Variants in OGDH observed in about 807,000 individuals in gnomAD.
The protein encoded by OGDH is 2-oxoglutarate dehydrogenase complex component E1.
OGDH carries 38 observed loss-of-function variants against 116.6 expected under a neutral mutation model. The ratio of observed to expected loss-of-function variants is 0.33; its 90% CI spans 0.25 to 0.43. OGDH has a LOEUF of 0.43. OGDH is among the 20% of genes least tolerant of loss of function. The probability of loss-of-function intolerance (pLI) is 1.00; values close to 1 mark genes in which losing one functional copy is unlikely to be tolerated. For missense variants in OGDH, 825 were observed against 1,357.2 expected, an observed-to-expected ratio of 0.61 and a Z score of 6.16; for synonymous variants, 488 against 533.3, an observed-to-expected ratio of 0.92 and a Z score of 1.17.
At chr7:44,652,444 G>T (rs1002664747) in intron 4 of OGDH, among the ~76,000 whole-genome samples, 7 of 152,154 alleles carry the variant, frequency 4.6e-5, no homozygotes, top group African/African-American at 1.7e-4. Flanking sequence ...TAAAGTTAGG[G>T]GCCAGTTTCC....
At chr7:44,647,362 G>A (rs1042443624) in intron 3 of OGDH, 2 of 902,934 alleles carry the variant, frequency 2.2e-6, no homozygotes, top group Non-Finnish European at 3.4e-6. Context: ...TTTGGAAAAG[G>A]TTTGCATAAC....
chr7:44,675,551 C>T (rs1392273428), intron 8 of OGDH, among the ~76,000 whole-genome samples: 2 of 152,116 alleles, frequency 1.3e-5, no homozygotes, highest in Admixed American at 6.6e-5. Context: ...AAAAGGCCTC[C>T]ATATCCTTCT....
At chr7:44,658,923 C>T (rs1585305863) in intron 4 of OGDH, among the ~76,000 whole-genome samples, 1 of 152,070 alleles carries the variant, frequency 6.6e-6, no homozygotes, top group African/African-American at 2.4e-5. Flanking sequence ...GCAACCTCCA[C>T]CTCCCAGGTT....
chr7:44,680,438 C>G (rs1007822990), intron 9 of OGDH, among the ~76,000 whole-genome samples: 4 of 151,812 alleles, frequency 2.6e-5, no homozygotes, highest in Admixed American at 2.0e-4. Flanking sequence ...GATGGAGTGT[C>G]TTGCAGTTGT....
At chr7:44,655,885 T>C (rs1227769516) in intron 4 of OGDH, among the ~76,000 whole-genome samples, 1 of 152,238 alleles carries the variant, frequency 6.6e-6, no homozygotes, top group African/African-American at 2.4e-5. Flanking sequence ...GTCTGCCACC[T>C]GAATCTAGTG....
intron 2 of OGDH, among the ~76,000 whole-genome samples, chr7:44,628,000 T>C (rs1785275540): frequency 6.6e-6 from 1 of 152,136 alleles, no homozygotes; most frequent in Non-Finnish European, 1.5e-5. Context: ...TAAATCTGTG[T>C]TTTATAGTGT....
At chr7:44,632,214 C>G (rs1304985281) in intron 2 of OGDH, among the ~76,000 whole-genome samples, 1 of 152,026 alleles carries the variant, frequency 6.6e-6, no homozygotes, top group African/African-American at 2.4e-5. Context: ...GCAGGAGGGA[C>G]TGAGGCCAGG....
chr7:44,629,024 C>T (rs898621707), intron 2 of OGDH, among the ~76,000 whole-genome samples: 10 of 152,084 alleles, frequency 6.6e-5, no homozygotes, highest in Admixed American at 2.0e-4. Context: ...GAGCCTTCAG[C>T]GGTGGCCTGG....
At chr7:44,661,776 G>C (rs1157089258) in intron 4 of OGDH, among the ~76,000 whole-genome samples, 1 of 151,742 alleles carries the variant, frequency 6.6e-6, no homozygotes, top group East Asian at 1.9e-4. Context: ...TAATTTTTTT[G>C]TATTTTTAGT....
At chr7:44,705,312 A>G (rs1426755708) in intron 20 of OGDH, among the ~76,000 whole-genome samples, 1 of 151,658 alleles carries the variant, frequency 6.6e-6, no homozygotes, top group African/African-American at 2.4e-5. Context: ...TCGGCCTCCC[A>G]AAGTGCTGGG....
chr7:44,697,530 T>A lies in OGDH; in HGVS notation c.2179+33T>A. Reference sequence around the variant, plus strand: ...CCTGGAGCCACACCACCAGGGCCTGTCACCCACCCACCCCCGCTGGGCCTA... The same window carrying A: ...CCTGGAGCCACACCACCAGGGCCTGACACCCACCCACCCCCGCTGGGCCTA... On this transcript the variant is annotated intron_variant, in intron 16 of 22. Transcript: ENST00000222673. This position sits in a 1 kb window ranked among gnomAD's most constrained non-coding sequence, Gnocchi z 6.0. 6.2e-7 allele frequency: 1 copy of A among 1,613,274 alleles called. No homozygotes were observed. Among genetic ancestry groups the A allele is most frequent in the Non-Finnish European group, 8.5e-7 (1 of 1,179,392 alleles).
At chr7:44,624,623 T>C in intron 2 of OGDH, 58 bp downstream of exon 2, 1 of 1,468,736 alleles carries the variant, frequency 6.8e-7, no homozygotes. Flanking sequence ...TGTTCCTGAC[T>C]GGTCACCAGG....
At chr7:44,657,237 A>G (rs1028649840) in intron 4 of OGDH, among the ~76,000 whole-genome samples, 1 of 152,150 alleles carries the variant, frequency 6.6e-6, no homozygotes. Context: ...TTTTATGACC[A>G]TATCTACTTC....
chr7:44,651,630 C>T (rs1428954780), intron 4 of OGDH, among the ~76,000 whole-genome samples: 1 of 152,116 alleles, frequency 6.6e-6, no homozygotes, highest in Non-Finnish European at 1.5e-5. Flanking sequence ...GGCACCATCT[C>T]GGCTCACTGC....
intron 5 of OGDH, among the ~76,000 whole-genome samples, chr7:44,667,696 T>C (rs183115698): frequency 6.2e-4 from 94 of 152,326 alleles, no homozygotes; most frequent in Non-Finnish European, 1.2e-3. Context: ...GGGTGACTTC[T>C]ATGCCCATTG....
intron 1 of OGDH, among the ~76,000 whole-genome samples, chr7:44,616,949 C>A (rs1374365013): frequency 8.7e-5 from 11 of 126,488 alleles, no homozygotes; most frequent in African/African-American, 2.5e-4. Flanking sequence ...AGACTCCTTT[C>A]GGAGCTCTGG....
At chr7:44,679,773 G>GA (rs1272160239) in intron 9 of OGDH, among the ~76,000 whole-genome samples, 1 of 152,164 alleles carries the variant, frequency 6.6e-6, no homozygotes, top group Non-Finnish European at 1.5e-5. Flanking sequence ...AGGCCTTCGA[G>GA]AAAAAACTGA....
rs368814406 is a variant in OGDH, at chr7:44,681,791, C to T, written c.1278C>T (p.Leu426=). 69 of 1,614,116 alleles carry T rather than the reference C, an allele frequency of 4.3e-5. No homozygotes were observed. In the Middle Eastern group the frequency reaches 2.1e-3, roughly 50 times the overall value. Residue 426 remains leucine, a synonymous_variant, in exon 10 of 23, where the codon CTC becomes CTT. Coordinates refer to ENST00000222673, the MANE Select transcript of OGDH (RefSeq NM_002541.4). ...GCATTGTGTACGAGACCTTCCACCTCAGCGACCTGCCATCCTACACAACTC... is the reference window on the plus strand; with the variant it reads ...GCATTGTGTACGAGACCTTCCACCTTAGCGACCTGCCATCCTACACAACTC... ...GQGIVYETFH[L]SDLPSYTTHG... is the part of the protein sequence containing the mutation.
At chr7:44,660,216 C>G (rs1786874555) in intron 4 of OGDH, among the ~76,000 whole-genome samples, 1 of 152,148 alleles carries the variant, frequency 6.6e-6, no homozygotes, top group Admixed American at 6.5e-5. Flanking sequence ...CCTCTAATTC[C>G]TGGGCTTAAG....
Sources: gnomAD v4.1 joint callset for allele counts (sites outside exome capture counted in the v4.1 genomes callset) on GRCh38, gnomAD v4.1.1 for gene constraint, Gnocchi (gnomAD v3.1) non-coding constraint, MANE v1.5 for transcripts, NCBI Gene and HGNC (gene_info 2026-07-23, HGNC 2026-07-21) for gene names.